The following SOX5 variants were observed in gnomAD, a reference collection of about 807,000 sequenced individuals.
SOX5 encodes SRY-box transcription factor 5.
SOX5 carries 9 observed loss-of-function variants against 92.0 expected under a neutral mutation model. The ratio of observed to expected loss-of-function variants is 0.10; its 90% CI spans 0.06 to 0.17. SOX5 has a LOEUF of 0.17. SOX5 is among the 10% of genes least tolerant of loss of function. The pLI is 1.00. For synonymous variants in SOX5, 344 were observed against 336.3 expected (o/e 1.02, Z -0.25); for missense variants, 642 against 944.5 (o/e 0.68, Z 4.20).
chr12:24,433,872 A>G (rs762487516), intron 1 of SOX5, among the ~76,000 whole-genome samples: 2 of 152,188 alleles, frequency 1.3e-5, no homozygotes, highest in African/African-American at 4.8e-5. Context: ...CACAGATGCC[A>G]TGAGAATGAA....
In SOX5 at chr12:24,526,877, A is replaced by G. The variant is rs1384345846; in HGVS notation, c.-251+35452T>C. Among the ~76,000 whole-genome samples, 4 of 151,248 alleles carry G rather than the reference A, an allele frequency of 2.6e-5. No individual in the cohort carries two copies. The East Asian group carries it at 7.8e-4, about 30-fold the overall frequency. The stretch of plus-strand genomic sequence containing the variant: ...CTGTTGCCTAGACTGGAGTGCAGTG[A>G]TGCAGTCATAGTTCACTGCAGCCCT... On this transcript the variant is annotated intron_variant, in intron 1 of 4. Coordinates refer to the SOX5 transcript ENST00000446891.
chr12:23,535,701 A>G (rs556764973), intron 14 of SOX5, among the ~76,000 whole-genome samples: 69 of 152,366 alleles, frequency 4.5e-4, no homozygotes, highest in Non-Finnish European at 8.8e-4. Flanking sequence ...ACTGGAGGGG[A>G]CAGAGCAGAT....
intron 4 of SOX5, among the ~76,000 whole-genome samples, chr12:24,066,592 A>C (rs752261768): frequency 2.0e-5 from 3 of 152,184 alleles, no homozygotes; most frequent in Non-Finnish European, 2.9e-5. Context: ...TAAATAACTA[A>C]AGAGTTATTT....
intron 4 of SOX5, among the ~76,000 whole-genome samples, chr12:24,121,885 C>CAAA (rs900951883): frequency 2.5e-4 from 12 of 48,254 alleles, no homozygotes; most frequent in Non-Finnish European, 2.9e-4. Flanking sequence ...GACTCTATCT[C>CAAA]AAAAAAAAAA....
intron 14 of SOX5, among the ~76,000 whole-genome samples, chr12:23,535,228 A>G (rs1940075460): frequency 6.6e-6 from 1 of 152,246 alleles, no homozygotes. Flanking sequence ...AAAGATAATT[A>G]AATTTTAATG....
intron 4 of SOX5, among the ~76,000 whole-genome samples, chr12:24,025,891 T>A (rs969108458): frequency 6.6e-6 from 1 of 152,038 alleles, no homozygotes; most frequent in African/African-American, 2.4e-5. Context: ...TGGAAAAGAA[T>A]AATAAACACA....
chr12:23,740,324 C>T (rs551833509), intron 5 of SOX5, among the ~76,000 whole-genome samples: 2 of 152,314 alleles, frequency 1.3e-5, no homozygotes, highest in South Asian at 4.1e-4. Flanking sequence ...TTTGCCTACT[C>T]AAAGAATTCT....
intron 9 of SOX5, among the ~76,000 whole-genome samples, chr12:23,591,808 C>G (rs1951604468): frequency 6.6e-6 from 1 of 152,120 alleles, no homozygotes. Flanking sequence ...CTGTTGCTGT[C>G]ACAATGCTTC....
At chr12:24,190,570 T>A (rs1303137355) in intron 4 of SOX5, among the ~76,000 whole-genome samples, 1 of 152,212 alleles carries the variant, frequency 6.6e-6, no homozygotes, top group Non-Finnish European at 1.5e-5. Flanking sequence ...CCTCATGACA[T>A]TCAGTGTCAG....
intron 9 of SOX5, among the ~76,000 whole-genome samples, chr12:23,583,422 G>C (rs1950301438): frequency 6.6e-6 from 1 of 152,104 alleles, no homozygotes; most frequent in Admixed American, 6.6e-5. Context: ...CTTGAAAAGA[G>C]GAAGAATGCG....
At chr12:24,037,837 CA>C (rs1956189708) in intron 4 of SOX5, among the ~76,000 whole-genome samples, 1 of 152,136 alleles carries the variant, frequency 6.6e-6, no homozygotes, top group South Asian at 2.1e-4. Flanking sequence ...ACCACTTCCC[CA>C]CTTAACTTGC....
At chr12:24,011,410 AG>A (rs1952918824) in intron 4 of SOX5, among the ~76,000 whole-genome samples, 2 of 152,238 alleles carry the variant, frequency 1.3e-5, no homozygotes, top group Non-Finnish European at 2.9e-5. Context: ...CCAAAATTGT[AG>A]ATGAGCCCAT....
At chr12:23,673,691 G>T (rs1459027527) in intron 6 of SOX5, among the ~76,000 whole-genome samples, 1 of 151,748 alleles carries the variant, frequency 6.6e-6, no homozygotes, top group Non-Finnish European at 1.5e-5. Flanking sequence ...AATAAAAATG[G>T]CAGTATTCTT....
chr12:24,467,618 T>C (rs1345714893), intron 1 of SOX5, among the ~76,000 whole-genome samples: 1 of 152,144 alleles, frequency 6.6e-6, no homozygotes, highest in African/African-American at 2.4e-5. Flanking sequence ...AAGCTTAGGA[T>C]CAGATCATAA....
At chr12:23,710,284 A>G (rs969586146) in intron 6 of SOX5, among the ~76,000 whole-genome samples, 1 of 152,176 alleles carries the variant, frequency 6.6e-6, no homozygotes, top group Admixed American at 6.5e-5. Context: ...GTACATGTGC[A>G]CAACGTGCAG....
chr12:23,780,922 T>A (rs1050875555), intron 3 of SOX5, among the ~76,000 whole-genome samples: 10 of 151,938 alleles, frequency 6.6e-5, no homozygotes, highest in African/African-American at 2.4e-4. Flanking sequence ...CATGAGGAGC[T>A]GGGCAGAAAG....
intron 4 of SOX5, among the ~76,000 whole-genome samples, chr12:24,012,951 C>T (rs1244225899): frequency 1.3e-5 from 2 of 152,146 alleles, no homozygotes; most frequent in Non-Finnish European, 2.9e-5. Context: ...TGATAAGTAG[C>T]TATTGCCATC....
chr12:23,812,220 T>C (rs900558138), intron 3 of SOX5, among the ~76,000 whole-genome samples: 7 of 152,074 alleles, frequency 4.6e-5, no homozygotes, highest in Non-Finnish European at 8.8e-5. Flanking sequence ...AGCTGTATGA[T>C]AGAAAACAGC....
In SOX5 at chr12:23,546,546, C is replaced by T. The variant is rs1200453258; in HGVS notation, c.1489-122G>A. On this transcript the variant is annotated intron_variant, in intron 11 of 14. Transcript: ENST00000451604. ...AAGGATGCAATGTTGATATATTCAC[C>T]TTTTTACGTTCAGCACATTAACCTG... 1.6e-5 allele frequency: 10 copies of T among 619,182 alleles called. No individual in the cohort carries two copies. The East Asian group carries it at 2.8e-4, about 17-fold the overall frequency. The allele number at this position is 619,182 out of a possible 1,614,324, so 38.4% of individuals were successfully genotyped here. A position where few individuals can be genotyped will look rare whatever the true frequency, so the allele number is the denominator to read the frequency against.
Sources: allele counts gnomAD v4.1 joint callset (sites outside exome capture counted in the v4.1 genomes callset), GRCh38; gene constraint gnomAD v4.1.1; transcripts MANE v1.5; gene names NCBI Gene and HGNC (gene_info 2026-07-23, HGNC 2026-07-21).